AMPD3: variants seen among roughly 807,000 people sequenced by gnomAD.
The protein encoded by AMPD3 is AMP deaminase 3.
AMPD3 carries 57 observed loss-of-function variants against 82.3 expected under a neutral mutation model. The observed-to-expected ratio is 0.69, with a 90% CI of 0.56 to 0.86. The LOEUF (loss-of-function observed/expected upper bound fraction) is 0.86. Among genes scored for constraint, AMPD3 ranks in the 40% least tolerant of loss-of-function variants. AMPD3 has a pLI of 0.00. For synonymous variants in AMPD3, 381 were observed against 394.7 expected (o/e 0.97, Z 0.41); for missense variants, 870 against 1,003.8 (o/e 0.87, Z 1.80).
chr11:10,467,049 G>T (rs113278335), intron 2 of AMPD3, among the ~76,000 whole-genome samples: 1 of 152,186 alleles, frequency 6.6e-6, no homozygotes, highest in Non-Finnish European at 1.5e-5. Context: ...AATCCACGAA[G>T]ATGGGGATGT....
chr11:10,461,502 C>T lies in AMPD3; in HGVS notation c.-5-13C>T. ...GGGCATCCTGCAATTCATGCTTGTT[C>T]TTTCTTTGCTAGCTGAGATGCCGCG... On this transcript the variant is annotated splice_polypyrimidine_tract_variant and intron_variant, in intron 1 of 14. Coordinates refer to ENST00000396553, the MANE Select transcript of AMPD3 (RefSeq NM_001025389.2). The T allele has an allele frequency of 6.2e-7, 1 of 1,614,138 alleles. No homozygotes were observed. Among genetic ancestry groups the T allele is most frequent in the South Asian group, 1.1e-5 (1 of 91,050 alleles).
intron 2 of AMPD3, among the ~76,000 whole-genome samples, chr11:10,474,260 C>T (rs189870985): frequency 2.6e-5 from 4 of 152,310 alleles, no homozygotes; most frequent in African/African-American, 4.8e-5. Flanking sequence ...GTGGGGTCCA[C>T]GTGTGGCCCC....
chr11:10,500,540 C>T (rs1374254415), intron 11 of AMPD3: 17 of 909,406 alleles, frequency 1.9e-5, no homozygotes, highest in Non-Finnish European at 2.1e-5. Flanking sequence ...CGTGTCCACA[C>T]ATTTATATGT....
Position 10,506,753 on chromosome 11 carries a change from C to T in AMPD3, c.*869C>T, listed in dbSNP as rs1231303092. 2 of 152,224 alleles carry T rather than the reference C, an allele frequency of 1.3e-5. No individual in the cohort carries two copies. The highest frequency in any genetic ancestry group is 4.8e-5 in the African/African-American group (2 of 41,464). 9.4% of individuals were successfully genotyped at this position (152,224 alleles called of 1,614,324 possible). A position where few individuals can be genotyped will look rare whatever the true frequency, so the allele number is the denominator to read the frequency against. On this transcript the variant is annotated 3_prime_UTR_variant, in exon 15 of 15. Transcript: ENST00000396553. This position sits in a 1 kb window ranked among gnomAD's most constrained non-coding sequence, Gnocchi z 4.1. ...TATGCTACAACTGTAGGCCAATTAT[C>T]ACTTTACCAATTAAGAGTTAGGCCA...
intron 10 of AMPD3, among the ~76,000 whole-genome samples, chr11:10,497,407 A>G (rs1335737244): frequency 6.6e-6 from 1 of 151,546 alleles, no homozygotes; most frequent in Non-Finnish European, 1.5e-5. Flanking sequence ...TTCCGGATCC[A>G]GTTGTAGGAG....
At position 10,500,203 on chromosome 11, in the gene AMPD3, C is replaced by T. The variant is rs148830658; in HGVS notation, c.1675C>T (p.Leu559=). 84 of 1,614,128 alleles carry T rather than the reference C, an allele frequency of 5.2e-5. No homozygotes were observed. Among genetic ancestry groups the T allele is most frequent in the Admixed American group, 6.7e-5 (4 of 60,016 alleles). The change falls in exon 11 of 15, where the codon CTG becomes TTG. Residue 559 remains leucine, a synonymous_variant. Transcript: ENST00000396553. ...SEQNPPYSYY[L]YYMYANIMVL... The stretch of plus-strand genomic sequence containing the variant: ...GCAGAACCCACCCTACAGCTACTAC[C>T]TGTACTACATGTATGCCAACATCAT...
chr11:10,479,668 T>A (rs1564846329), intron 3 of AMPD3, among the ~76,000 whole-genome samples: 3 of 152,232 alleles, frequency 2.0e-5, no homozygotes, highest in African/African-American at 7.2e-5. Flanking sequence ...TACCTACAAT[T>A]ATTTATGCAT....
chr11:10,470,598 A>G (rs780936003), intron 2 of AMPD3, among the ~76,000 whole-genome samples: 19 of 152,244 alleles, frequency 1.2e-4, no homozygotes, highest in African/African-American at 2.9e-4. Flanking sequence ...CCTTAAGCTG[A>G]TAAGCAACTT....
intron 6 of AMPD3, among the ~76,000 whole-genome samples, chr11:10,489,000 C>A (rs753312412): frequency 3.3e-5 from 5 of 152,168 alleles, no homozygotes; most frequent in Non-Finnish European, 7.3e-5. Context: ...TGGATGGGAT[C>A]AAGAGCTTTA....
At chr11:10,478,246 C>T (rs1726277807) in intron 2 of AMPD3, 1 of 985,310 alleles carries the variant, frequency 1.0e-6, no homozygotes, top group Non-Finnish European at 1.2e-6. Flanking sequence ...GTCTCTCTGT[C>T]TCCTAGGGCA....
chr11:10,456,720 C>A lies in AMPD3; in HGVS notation c.-6+1272C>A. 5.2e-6 allele frequency: 3 copies of A among 580,122 alleles called. No homozygotes were observed. The highest frequency in any genetic ancestry group is 6.5e-6 in the Non-Finnish European group (3 of 459,804). The allele number at this position is 580,122 out of a possible 1,614,324, so 35.9% of individuals were successfully genotyped here. A position where few individuals can be genotyped will look rare whatever the true frequency, so the allele number is the denominator to read the frequency against. On this transcript the variant is annotated intron_variant, in intron 1 of 14. Coordinates refer to ENST00000396553, the MANE Select transcript of AMPD3 (RefSeq NM_001025389.2). The surrounding 1 kb of genome is among the most constrained non-coding windows in gnomAD (Gnocchi z 4.3). ...GGGTTGGAAGCCAGGCGTGAACATG[C>A]AGCTGGAGCTGAAGCTCTGCTTGGC...
chr11:10,472,293 G>T (rs756937538), intron 2 of AMPD3, among the ~76,000 whole-genome samples: 1 of 152,058 alleles, frequency 6.6e-6, no homozygotes, highest in Non-Finnish European at 1.5e-5. Flanking sequence ...GGGCCTGTTG[G>T]GGGGTGAGGG....
At chr11:10,498,644 C>T (rs777146612) in intron 10 of AMPD3, among the ~76,000 whole-genome samples, 25 of 152,334 alleles carry the variant, frequency 1.6e-4, no homozygotes, top group Non-Finnish European at 2.8e-4. Flanking sequence ...CTCTGTGACA[C>T]GGAAGATTCT....
upstream of AMPD3, among the ~76,000 whole-genome samples, chr11:10,453,472 G>C (rs1310943497): frequency 6.6e-6 from 1 of 152,192 alleles, no homozygotes; most frequent in Non-Finnish European, 1.5e-5. Flanking sequence ...AATCCCCTTT[G>C]TCCAACTCCT....
chr11:10,459,712 A>C (rs537869706), intron 1 of AMPD3, among the ~76,000 whole-genome samples: 2 of 152,056 alleles, frequency 1.3e-5, no homozygotes, highest in African/African-American at 4.8e-5. Flanking sequence ...AATCCATTCC[A>C]CAAGTGTTAT....
chr11:10,494,048 A>G (rs1380408377), intron 7 of AMPD3, among the ~76,000 whole-genome samples: 3 of 152,236 alleles, frequency 2.0e-5, no homozygotes, highest in Non-Finnish European at 2.9e-5. Flanking sequence ...TCATAGCAGT[A>G]TTATTCATAG....
chr11:10,484,779 A>G (rs1006376276), intron 4 of AMPD3, 41 bp from the exon 5 acceptor site: 2 of 1,606,704 alleles, frequency 1.2e-6, no homozygotes, highest in Non-Finnish European at 8.5e-7. Flanking sequence ...TGTGCTCACA[A>G]GGTCAGGGGC....
In AMPD3 at chr11:10,507,002, CA is replaced by C. The variant is rs1229835471; in HGVS notation, c.*1119del. Reference sequence around the variant, plus strand: ...ATGACTTCAGAAGATACAATGGTCCCAGGGGCCAAGTAGAAAGCATTTTTAA... The same window carrying C: ...ATGACTTCAGAAGATACAATGGTCCCGGGGCCAAGTAGAAAGCATTTTTAA... On this transcript the variant is annotated 3_prime_UTR_variant, in exon 15 of 15. Coordinates refer to ENST00000396553, the MANE Select transcript of AMPD3 (RefSeq NM_001025389.2). The C allele has an allele frequency of 6.6e-6, 1 of 152,532 alleles. No homozygotes were observed. Among genetic ancestry groups the C allele is most frequent in the African/African-American group, 2.4e-5 (1 of 41,394 alleles). The allele number at this position is 152,532 out of a possible 1,614,324, so 9.4% of individuals were successfully genotyped here.
At chr11:10,468,279 A>C (rs7130140) in intron 2 of AMPD3, among the ~76,000 whole-genome samples, 52,125 of 151,736 alleles carry the variant, frequency 0.34, 9,331 homozygotes, top group Non-Finnish European at 0.37. Flanking sequence ...ACTCATCTCA[A>C]GTGCAAAGAC....
Sources: gnomAD v4.1 joint callset for allele counts (sites outside exome capture counted in the v4.1 genomes callset) on GRCh38, gnomAD v4.1.1 for gene constraint, Gnocchi (gnomAD v3.1) non-coding constraint, MANE v1.5 for transcripts, NCBI Gene and HGNC (gene_info 2026-07-23, HGNC 2026-07-21) for gene names.